PALM2AKAP2: variants seen among roughly 807,000 people sequenced by gnomAD.
PALM2AKAP2 encodes PALM2 and AKAP2 fusion.
PALM2AKAP2 carries 37 observed loss-of-function variants against 71.5 expected under a neutral mutation model. That is an observed-to-expected ratio of 0.52 (90% CI 0.40 to 0.68). The LOEUF is 0.68. PALM2AKAP2 is among the 30% of genes least tolerant of loss of function. The pLI is 0.00. For missense variants in PALM2AKAP2, 1,224 were observed against 1,191.8 expected (o/e 1.03, Z -0.40); for synonymous variants, 468 against 478.8 (o/e 0.98, Z 0.29).
intron 1 of PALM2AKAP2, among the ~76,000 whole-genome samples, chr9:109,793,939 C>T (rs1182242934): frequency 6.6e-6 from 1 of 152,174 alleles, no homozygotes; most frequent in Non-Finnish European, 1.5e-5. Context: ...AACAGAGACT[C>T]TATGGCCTGT....
intron 3 of PALM2AKAP2, among the ~76,000 whole-genome samples, chr9:109,912,399 A>T (rs1392921506): frequency 6.6e-6 from 1 of 152,174 alleles, no homozygotes; most frequent in Non-Finnish European, 1.5e-5. Flanking sequence ...GAAAAGTGGA[A>T]ATCCTCTGTT....
intron 1 of PALM2AKAP2, among the ~76,000 whole-genome samples, chr9:109,866,806 A>G (rs1829460090): frequency 1.3e-5 from 2 of 152,184 alleles, no homozygotes; most frequent in African/African-American, 4.8e-5. Context: ...ACTTGTCAGA[A>G]GTCAGACAGG....
chr9:109,745,060 A>C (rs1409077035), intron 1 of PALM2AKAP2, among the ~76,000 whole-genome samples: 1 of 152,230 alleles, frequency 6.6e-6, no homozygotes, highest in African/African-American at 2.4e-5. Context: ...CATTTAAATC[A>C]ACCTCAACAG....
At chr9:109,965,787 A>G (rs1831934691) in intron 6 of PALM2AKAP2, among the ~76,000 whole-genome samples, 1 of 152,168 alleles carries the variant, frequency 6.6e-6, no homozygotes, top group Non-Finnish European at 1.5e-5. Flanking sequence ...CATTGAAGAT[A>G]CTCAGGGGGA....
intron 1 of PALM2AKAP2, among the ~76,000 whole-genome samples, chr9:110,100,081 A>ATATATATATATATC (rs1554751767): frequency 1.1e-3 from 153 of 144,366 alleles, no homozygotes; most frequent in Admixed American, 7.6e-3. Flanking sequence ...ATATATATAT[A>ATATATATATATATC]GAAACATAAA....
rs146638692 is a variant in PALM2AKAP2 at position 110,000,840 on chromosome 9, G to T, written c.497-15114G>T. Among the ~76,000 whole-genome samples the T allele has an allele frequency of 6.6e-5, 10 of 152,190 alleles. No homozygotes were observed. The East Asian group carries it at 1.2e-3, about 18-fold the overall frequency. On this transcript the variant is annotated intron_variant, in intron 6 of 9. Transcript: ENST00000302798. ...TGAGAAGTGTCTGTTCATATCCTTC[G>T]CCCACTTGTTGATGGGGTTGTTTGT...
chr9:110,049,633 G>A (rs962877743), intron 1 of PALM2AKAP2, among the ~76,000 whole-genome samples: 5 of 152,306 alleles, frequency 3.3e-5, no homozygotes, highest in Admixed American at 2.6e-4. Flanking sequence ...GGTATGGGAA[G>A]AGCAGACCGT....
chr9:110,034,003 A>G (rs1833333583), intron 7 of PALM2AKAP2, among the ~76,000 whole-genome samples: 1 of 152,294 alleles, frequency 6.6e-6, no homozygotes, highest in East Asian at 1.9e-4. Flanking sequence ...AAAGTAACCT[A>G]TGGAAGGTCC....
At chr9:109,921,966 C>A (rs1830840780) in intron 3 of PALM2AKAP2, among the ~76,000 whole-genome samples, 1 of 152,136 alleles carries the variant, frequency 6.6e-6, no homozygotes, top group African/African-American at 2.4e-5. Flanking sequence ...ACTTTTCTGA[C>A]ACCCAGGAAG....
chr9:109,838,695 G>A (rs145037126), intron 1 of PALM2AKAP2, among the ~76,000 whole-genome samples: 16,881 of 152,076 alleles, frequency 0.11, 1,303 homozygotes, highest in African/African-American at 0.22. Context: ...TAAAGGGGAT[G>A]TCACCACCAA....
intron 3 of PALM2AKAP2, among the ~76,000 whole-genome samples, chr9:110,159,765 G>T (rs890520015): frequency 6.6e-6 from 1 of 152,104 alleles, no homozygotes; most frequent in Admixed American, 6.5e-5. Context: ...TGGCCTCTGG[G>T]GTCCTGTCCA....
chr9:110,017,125 T>C (rs1195064050), intron 7 of PALM2AKAP2, among the ~76,000 whole-genome samples: 3 of 152,218 alleles, frequency 2.0e-5, no homozygotes, highest in South Asian at 2.1e-4. Flanking sequence ...GAGATCCGCC[T>C]GCCTTGGCCT....
intron 1 of PALM2AKAP2, among the ~76,000 whole-genome samples, chr9:109,668,803 C>A (rs1231686947): frequency 1.3e-5 from 2 of 152,166 alleles, no homozygotes; most frequent in Admixed American, 6.5e-5. Context: ...TCCATTGGTG[C>A]CTCCACCTTG....
At chr9:110,170,533 T>C (rs1431929712) in exon 4 of PALM2AKAP2, 1 of 152,228 alleles carries the variant, frequency 6.6e-6, no homozygotes, top group African/African-American at 2.4e-5. Context: ...GAGCTCTAAC[T>C]TGAAGCCACA....
At chr9:110,044,344 C>CTTTTTTTTTTTTTTTTT (rs57314430), upstream of PALM2AKAP2, among the ~76,000 whole-genome samples, 10 of 80,156 alleles carry the variant, frequency 1.2e-4, no homozygotes, top group Non-Finnish European at 1.8e-4. Flanking sequence ...TTCTTTCTTT[C>CTTTTTTTTTTTTTTTTT]TTTTTTTTTT....
intron 1 of PALM2AKAP2, among the ~76,000 whole-genome samples, chr9:110,056,400 G>A (rs1034403393): frequency 1.3e-5 from 2 of 152,176 alleles, no homozygotes; most frequent in Non-Finnish European, 2.9e-5. Context: ...TTTTATTTGG[G>A]TGGGTTGGAG....
chr9:109,677,497 G>A (rs866150632), intron 1 of PALM2AKAP2, among the ~76,000 whole-genome samples: 4 of 151,948 alleles, frequency 2.6e-5, no homozygotes, highest in Admixed American at 1.3e-4. Flanking sequence ...GTGAAACCCC[G>A]TCTCTACTAA....
At chr9:109,722,598 C>G (rs897810666) in intron 1 of PALM2AKAP2, among the ~76,000 whole-genome samples, 1 of 152,012 alleles carries the variant, frequency 6.6e-6, no homozygotes, top group Non-Finnish European at 1.5e-5. Context: ...ATGGAAAATC[C>G]CCATCTCTAC....
intron 1 of PALM2AKAP2, among the ~76,000 whole-genome samples, chr9:110,095,392 C>T (rs774814660): frequency 1.3e-5 from 2 of 152,116 alleles, no homozygotes; most frequent in African/African-American, 2.4e-5. Flanking sequence ...CACAATCTTG[C>T]TAGCTTTGTG....
Sources: gnomAD v4.1 joint callset for allele counts (sites outside exome capture counted in the v4.1 genomes callset) on GRCh38, gnomAD v4.1.1 for gene constraint, MANE v1.5 for transcripts, NCBI Gene and HGNC (gene_info 2026-07-23, HGNC 2026-07-21) for gene names.